The following UBXN2A variants were observed in gnomAD, a reference collection of about 807,000 sequenced individuals.
UBXN2A encodes the protein UBX domain protein 2A.
UBXN2A carries 28 observed loss-of-function variants against 28.4 expected under a neutral mutation model. The ratio of observed to expected loss-of-function variants is 0.99; its 90% confidence interval spans 0.73 to 1.35. The LOEUF (loss-of-function observed/expected upper bound fraction) is 1.35. Among genes scored for constraint, UBXN2A ranks in the 40% most tolerant of loss-of-function variants. The pLI, the probability that UBXN2A is intolerant of heterozygous loss-of-function variation, is 0.00. For missense variants in UBXN2A, 253 were observed against 297.9 expected (o/e 0.85, Z 1.11); for synonymous variants, 97 against 103.6 (o/e 0.94, Z 0.39).
At chr2:23,965,899 C>G (rs943170010) in intron 2 of UBXN2A, among the ~76,000 whole-genome samples, 1 of 152,060 alleles carries the variant, frequency 6.6e-6, no homozygotes, top group African/African-American at 2.4e-5. Flanking sequence ...TATGCATAAG[C>G]CTATTCATAT....
At chr2:23,935,098 G>A (rs1330850559) in intron 1 of UBXN2A, among the ~76,000 whole-genome samples, 3 of 151,854 alleles carry the variant, frequency 2.0e-5, no homozygotes, top group Non-Finnish European at 4.4e-5. Flanking sequence ...AAAAAATGGA[G>A]CAAACACCTA....
intron 2 of UBXN2A, among the ~76,000 whole-genome samples, chr2:23,961,798 G>A (rs1195726580): frequency 6.7e-6 from 1 of 148,276 alleles, no homozygotes; most frequent in Admixed American, 6.8e-5. Context: ...TGCCTGCCTC[G>A]GACTCCCATA....
intron 1 of UBXN2A, among the ~76,000 whole-genome samples, chr2:23,954,991 G>C (rs996269753): frequency 6.8e-6 from 1 of 147,048 alleles, no homozygotes; most frequent in Non-Finnish European, 1.5e-5. Flanking sequence ...GGAGTGCAGT[G>C]GTGCAATTTC....
In UBXN2A at chr2:23,966,227, C is replaced by G. The variant is rs193267273; in HGVS notation, c.42-5049C>G. On this transcript the variant is annotated intron_variant, in intron 2 of 6. Coordinates refer to ENST00000309033, the MANE Select transcript of UBXN2A (RefSeq NM_181713.4). ...GATCTTGACTCACTGCAACCTCCGCCTCCCAGGTTCAAGCATTTCTCCTGC... is the reference window on the plus strand; with the variant it reads ...GATCTTGACTCACTGCAACCTCCGCGTCCCAGGTTCAAGCATTTCTCCTGC... 4.7e-4 allele frequency among the ~76,000 whole-genome samples: 72 copies of G among 152,170 alleles called. No individual in the cohort carries two copies. The Middle Eastern group carries it at 0.02, about 43-fold the overall frequency.
At chr2:23,987,457 T>C (rs1708175959) in intron 6 of UBXN2A, among the ~76,000 whole-genome samples, 1 of 152,098 alleles carries the variant, frequency 6.6e-6, no homozygotes, top group African/African-American at 2.4e-5. Context: ...TTCCAAATAA[T>C]TACTCTGAAT....
chr2:23,979,205 A>T (rs1325012275), intron 4 of UBXN2A, among the ~76,000 whole-genome samples: 1 of 151,602 alleles, frequency 6.6e-6, no homozygotes, highest in Non-Finnish European at 1.5e-5. Context: ...TTAGCCGGGC[A>T]TGGTAGCAGG....
intron 2 of UBXN2A, among the ~76,000 whole-genome samples, chr2:23,965,732 A>G (rs1707134281): frequency 6.6e-6 from 1 of 152,180 alleles, no homozygotes; most frequent in Admixed American, 6.5e-5. Flanking sequence ...TCGTAGAATG[A>G]GTTAGAAGTA....
upstream of UBXN2A, among the ~76,000 whole-genome samples, chr2:23,935,691 A>G (rs922330223): frequency 6.6e-6 from 1 of 152,232 alleles, no homozygotes; most frequent in Non-Finnish European, 1.5e-5. Context: ...TTGGAAAACA[A>G]TATGACTGGT....
chr2:23,961,667 C>A (rs890542219), intron 2 of UBXN2A, among the ~76,000 whole-genome samples: 2 of 147,120 alleles, frequency 1.4e-5, no homozygotes, highest in African/African-American at 2.5e-5. Context: ...CCTGCCTCAG[C>A]CTCCCGAGTA....
intron 2 of UBXN2A, among the ~76,000 whole-genome samples, chr2:23,969,339 T>C (rs1707313398): frequency 6.6e-6 from 1 of 151,992 alleles, no homozygotes; most frequent in African/African-American, 2.4e-5. Context: ...GAGTTTGCGA[T>C]AAGCCTGGAC....
rs144320466 is a variant in UBXN2A, at chr2:24,001,209, C to T, written c.*1342C>T. On this transcript the variant is annotated 3_prime_UTR_variant, in exon 7 of 7. Coordinates refer to ENST00000309033, the MANE Select transcript of UBXN2A (RefSeq NM_181713.4). ...TTCACCATGTTGGTCAGGCTGGTCT[C>T]GAACTCCCGACCTCAGGGGATCTGC... 2 of 152,186 alleles carry T rather than the reference C, an allele frequency of 1.3e-5. No homozygotes were observed. Among genetic ancestry groups the T allele is most frequent in the Non-Finnish European group, 1.5e-5 (1 of 68,044 alleles). 9.4% of individuals were successfully genotyped at this position (152,186 alleles called of 1,614,324 possible).
rs2150932893 is a variant in UBXN2A at position 24,004,270 on chromosome 2, T to G, written c.*4403T>G. The G allele has an allele frequency of 3.3e-5, 5 of 152,300 alleles. No individual in the cohort carries two copies. The Middle Eastern group carries it at 0.017, about 518-fold the overall frequency. 9.4% of individuals were successfully genotyped at this position (152,300 alleles called of 1,614,324 possible). On this transcript the variant is annotated 3_prime_UTR_variant, in exon 7 of 7. Transcript: ENST00000309033. ...TAAGGGAAGGAAAACTTGAAAATAA[T>G]CACCTTAGATGGGGCATACAATTTG... is the stretch of plus-strand genomic sequence containing the variant.
intron 6 of UBXN2A, among the ~76,000 whole-genome samples, chr2:23,998,191 C>G (rs1708613087): frequency 6.6e-6 from 1 of 152,096 alleles, no homozygotes; most frequent in Admixed American, 6.6e-5. Context: ...TTTCCACTTT[C>G]TAGTTTTTGG....
intron 2 of UBXN2A, among the ~76,000 whole-genome samples, chr2:23,964,241 G>T (rs561640930): frequency 7.9e-4 from 119 of 149,976 alleles, no homozygotes; most frequent in African/African-American, 2.8e-3. Flanking sequence ...ACAGAGTTTC[G>T]CTCTTCTTGC....
intron 1 of UBXN2A, 41 bp from the exon 2 acceptor site, chr2:23,958,260 T>C (rs955391684): frequency 4.4e-5 from 68 of 1,538,150 alleles, no homozygotes; most frequent in African/African-American, 7.0e-5. Context: ...TTAAGCTTTT[T>C]ACTTACTTTC....
At chr2:23,973,068 G>A (rs1038469739) in intron 3 of UBXN2A, among the ~76,000 whole-genome samples, 1 of 152,176 alleles carries the variant, frequency 6.6e-6, no homozygotes, top group Admixed American at 6.5e-5. Flanking sequence ...CACCCAGGCT[G>A]GAGTGCAATG....
intron 1 of UBXN2A, among the ~76,000 whole-genome samples, chr2:23,957,949 A>G (rs1406915395): frequency 6.6e-6 from 1 of 152,240 alleles, no homozygotes; most frequent in East Asian, 1.9e-4. Flanking sequence ...AGTCAGTCTC[A>G]CTATTTTACC....
intron 1 of UBXN2A, among the ~76,000 whole-genome samples, chr2:23,928,177 GA>G (rs200494081): frequency 5.9e-4 from 55 of 92,812 alleles, no homozygotes; most frequent in Admixed American, 7.0e-4. Context: ...CCCTGTCTCA[GA>G]AAAAAAAAAA....
intron 1 of UBXN2A, among the ~76,000 whole-genome samples, chr2:23,956,646 C>G (rs1706642777): frequency 6.6e-6 from 1 of 152,232 alleles, no homozygotes. Flanking sequence ...AGCCACCACA[C>G]CTGGCCCTGT....
Sources: gnomAD v4.1 joint callset for allele counts (sites outside exome capture counted in the v4.1 genomes callset) on GRCh38, gnomAD v4.1.1 for gene constraint, MANE v1.5 for transcripts, NCBI Gene and HGNC (gene_info 2026-07-23, HGNC 2026-07-21) for gene names.